The following LDLRAD4 variants were observed in gnomAD, a reference collection of about 807,000 sequenced individuals.
LDLRAD4 encodes low-density lipoprotein receptor class A domain-containing protein 4.
LDLRAD4 carries 5 observed loss-of-function variants against 17.0 expected under a neutral mutation model. The ratio of observed to expected loss-of-function variants is 0.29; its 90% CI spans 0.15 to 0.62. The LOEUF is 0.62. Ranked by LOEUF, LDLRAD4 falls within the 20% of genes least tolerant of loss-of-function variation. LDLRAD4 has a pLI of 0.84. For synonymous variants in LDLRAD4, 168 were observed against 171.8 expected (o/e 0.98, Z 0.17); for missense variants, 340 against 424.7 (o/e 0.80, Z 1.75).
chr18:13,460,721 CTT>C (rs1024067356), intron 3 of LDLRAD4, among the ~76,000 whole-genome samples: 1 of 152,162 alleles, frequency 6.6e-6, no homozygotes, highest in African/African-American at 2.4e-5. Flanking sequence ...ATGTGTCTCT[CTT>C]TGGTAAAATA....
chr18:13,344,187 G>A (rs1393952506), intron 1 of LDLRAD4, among the ~76,000 whole-genome samples: 1 of 152,146 alleles, frequency 6.6e-6, no homozygotes, highest in Non-Finnish European at 1.5e-5. Context: ...TATTGCCTAG[G>A]TCTTCTTCTA....
chr18:13,273,256 A>G (rs2044666536), upstream of LDLRAD4, among the ~76,000 whole-genome samples: 1 of 151,830 alleles, frequency 6.6e-6, no homozygotes, highest in South Asian at 2.1e-4. Context: ...TCCCATTATG[A>G]TTTTCCTGAG....
rs77281656 is a variant in LDLRAD4, at chr18:13,251,790, A to T, written c.-466-26315A>T. On this transcript the variant is annotated intron_variant, in intron 1 of 5. Coordinates refer to the LDLRAD4 transcript ENST00000399848. ...GTTCAGATGACCATACTGCCCAAAG[A>T]AATCTACAGCTTCAATGAAGCCTCT... Among the ~76,000 whole-genome samples, 314 of 152,340 alleles carry T rather than the reference A, an allele frequency of 2.1e-3. 8 individuals are homozygous for T. The East Asian group carries it at 0.049, about 24-fold the overall frequency.
chr18:13,535,106 T>A (rs768286572), intron 3 of LDLRAD4, among the ~76,000 whole-genome samples: 1 of 152,220 alleles, frequency 6.6e-6, no homozygotes, highest in Non-Finnish European at 1.5e-5. Flanking sequence ...TGTTTCCAGT[T>A]TGGGGCTATT....
intron 3 of LDLRAD4, among the ~76,000 whole-genome samples, chr18:13,468,130 A>C (rs1011926258): frequency 2.0e-5 from 3 of 152,182 alleles, no homozygotes; most frequent in African/African-American, 7.2e-5. Flanking sequence ...AGAAAAAAAA[A>C]CAGATAAATT....
chr18:13,567,392 C>T (rs1940911), intron 3 of LDLRAD4, among the ~76,000 whole-genome samples: 32,469 of 152,158 alleles, frequency 0.21, 3,971 homozygotes, highest in East Asian at 0.34. Flanking sequence ...TAATGCTGCT[C>T]GGCTTCAGTT....
intron 3 of LDLRAD4, among the ~76,000 whole-genome samples, chr18:13,445,168 A>C (rs2146278171): frequency 6.6e-6 from 1 of 152,346 alleles, no homozygotes; most frequent in East Asian, 1.9e-4. Flanking sequence ...AGGAAGGACC[A>C]GTCCTGCCAA....
At chr18:13,381,864 A>G (rs540287508) in intron 1 of LDLRAD4, among the ~76,000 whole-genome samples, 1 of 152,372 alleles carries the variant, frequency 6.6e-6, no homozygotes, top group Admixed American at 6.5e-5. Flanking sequence ...TGCAGCTCTC[A>G]AACATGGTCA....
chr18:13,319,128 C>G (rs1029286975), intron 1 of LDLRAD4, among the ~76,000 whole-genome samples: 2 of 152,164 alleles, frequency 1.3e-5, no homozygotes, highest in Non-Finnish European at 2.9e-5. Context: ...GCCCTTTATA[C>G]CTATTAAATA....
At chr18:13,422,231 G>T (rs1426219062) in intron 2 of LDLRAD4, among the ~76,000 whole-genome samples, 1 of 152,218 alleles carries the variant, frequency 6.6e-6, no homozygotes, top group African/African-American at 2.4e-5. Context: ...ACTGTGGGAG[G>T]TCAGAGCTGC....
intron 4 of LDLRAD4, among the ~76,000 whole-genome samples, chr18:13,632,594 G>A (rs892485661): frequency 1.3e-5 from 2 of 152,244 alleles, no homozygotes; most frequent in Non-Finnish European, 2.9e-5. Context: ...GCCCTGGCCA[G>A]GAGAACCCTA....
intron 1 of LDLRAD4, among the ~76,000 whole-genome samples, chr18:13,252,634 G>A (rs2043283526): frequency 2.6e-5 from 4 of 152,216 alleles, no homozygotes; most frequent in Admixed American, 2.6e-4. Flanking sequence ...GAACTCGGTG[G>A]TGCCCCCCAC....
chr18:13,453,887 C>T (rs1296267456), intron 3 of LDLRAD4, among the ~76,000 whole-genome samples: 1 of 152,354 alleles, frequency 6.6e-6, no homozygotes, highest in East Asian at 1.9e-4. Context: ...CTCGTGGCGC[C>T]TTGATGGAAA....
At chr18:13,554,093 G>GT (rs1443875900) in intron 3 of LDLRAD4, among the ~76,000 whole-genome samples, 1 of 152,090 alleles carries the variant, frequency 6.6e-6, no homozygotes, top group Non-Finnish European at 1.5e-5. Flanking sequence ...TGGAATGATC[G>GT]TACTTTCTCT....
At chr18:13,359,526 G>A (rs1017792549) in intron 1 of LDLRAD4, among the ~76,000 whole-genome samples, 2 of 151,766 alleles carry the variant, frequency 1.3e-5, no homozygotes, top group African/African-American at 4.8e-5. Context: ...AAAAAAAAAA[G>A]CCATGTTCTT....
At chr18:13,320,477 G>T (rs368493106) in intron 1 of LDLRAD4, among the ~76,000 whole-genome samples, 92 of 152,336 alleles carry the variant, frequency 6.0e-4, no homozygotes, top group Middle Eastern at 3.4e-3. Flanking sequence ...AGTGACCAGT[G>T]CTCTCAAACT....
At chr18:13,420,077 G>T (rs1300087614) in intron 2 of LDLRAD4, 1 of 152,094 alleles carries the variant, frequency 6.6e-6, no homozygotes, top group Non-Finnish European at 1.5e-5. Flanking sequence ...TTTAAAAGGG[G>T]GGTTCTCAGG....
intron 3 of LDLRAD4, among the ~76,000 whole-genome samples, chr18:13,516,941 C>T (rs2032287159): frequency 6.6e-6 from 1 of 152,212 alleles, no homozygotes; most frequent in African/African-American, 2.4e-5. Context: ...CCTCGAACTC[C>T]TAACCTCAAG....
Position 13,610,296 on chromosome 18 carries a change from T to C in LDLRAD4, c.182-10821T>C, listed in dbSNP as rs1305894773. Among the ~76,000 whole-genome samples, 336 of 60,608 alleles carry C rather than the reference T, an allele frequency of 5.5e-3. 23 individuals are homozygous for C. Among genetic ancestry groups the C allele is most frequent in the East Asian group, 0.019 (43 of 2,282 alleles). The allele number at this position is 60,608 out of a possible 152,430, so 39.8% of individuals were successfully genotyped here. ...TTTTTTTTTTTTTTTTTTTTTTTTT[T>C]TTTTTTTTTGAGACGGAGTCTCACT... On this transcript the variant is annotated intron_variant, in intron 3 of 5. Transcript: ENST00000359446.
Sources: gnomAD v4.1 joint callset for allele counts (sites outside exome capture counted in the v4.1 genomes callset) on GRCh38, gnomAD v4.1.1 for gene constraint, MANE v1.5 for transcripts, NCBI Gene and HGNC (gene_info 2026-07-23, HGNC 2026-07-21) for gene names.